RANBP10: variants seen among roughly 807,000 people sequenced by gnomAD.
The protein encoded by RANBP10 is ran-binding protein 10.
Under a neutral mutation model 72.8 loss-of-function variants are expected in RANBP10, and 24 were observed. The ratio of observed to expected loss-of-function variants is 0.33; its 90% CI spans 0.24 to 0.46. The LOEUF (loss-of-function observed/expected upper bound fraction) is 0.46. RANBP10 is among the 20% of genes least tolerant of loss of function. RANBP10 has a pLI of 1.00. For missense variants in RANBP10, 679 were observed against 817.5 expected (o/e 0.83, Z 2.07); for synonymous variants, 310 against 322.3 (o/e 0.96, Z 0.41).
chr16:67,786,308 G>A (rs1278903797), intron 2 of RANBP10, among the ~76,000 whole-genome samples: 1 of 151,808 alleles, frequency 6.6e-6, no homozygotes, highest in Non-Finnish European at 1.5e-5. Flanking sequence ...CAGCCTGTGC[G>A]ACAGAGCAAA....
In RANBP10 at chr16:67,727,456, C is replaced by T. The variant is rs752181994; in HGVS notation, c.1621-18G>A. ...AAGGCATCCTACAGGACAGGGCATT[C>T]TTGAGAGGACTGTGGCACACACCAT... On this transcript the variant is annotated intron_variant, in intron 12 of 13. Coordinates refer to ENST00000317506, the MANE Select transcript of RANBP10 (RefSeq NM_020850.3). 1 of 1,602,728 alleles carries T rather than the reference C, an allele frequency of 6.2e-7. No individual in the cohort carries two copies.
chr16:67,760,161 C>T (rs539846278), intron 3 of RANBP10, among the ~76,000 whole-genome samples: 2 of 152,122 alleles, frequency 1.3e-5, no homozygotes, highest in South Asian at 2.1e-4. Flanking sequence ...AGACAGCAAC[C>T]GCACAAAGCC....
At chr16:67,774,421 AC>A (rs1392259782) in intron 2 of RANBP10, among the ~76,000 whole-genome samples, 1 of 152,220 alleles carries the variant, frequency 6.6e-6, no homozygotes, top group Non-Finnish European at 1.5e-5. Flanking sequence ...TGCTCAAAAC[AC>A]AACTTGCTTA....
chr16:67,740,956 T>C (rs796344028), intron 4 of RANBP10, among the ~76,000 whole-genome samples: 38 of 152,238 alleles, frequency 2.5e-4, no homozygotes, highest in African/African-American at 7.7e-4. Flanking sequence ...GCTGCCCTCA[T>C]GGATCTCAGC....
chr16:67,760,856 C>G (rs754654405), intron 3 of RANBP10, among the ~76,000 whole-genome samples: 1 of 152,162 alleles, frequency 6.6e-6, no homozygotes, highest in Non-Finnish European at 1.5e-5. Flanking sequence ...CCTGAGTCTC[C>G]CTGGCTCTGG....
intron 4 of RANBP10, among the ~76,000 whole-genome samples, chr16:67,740,098 C>CTT (rs892700613): frequency 2.1e-3 from 278 of 131,268 alleles, no homozygotes; most frequent in African/African-American, 7.0e-3. Context: ...CAGGTTCACA[C>CTT]TTTTTTTTTT....
intron 2 of RANBP10, among the ~76,000 whole-genome samples, chr16:67,799,588 G>A (rs530578280): frequency 2.6e-5 from 4 of 152,030 alleles, no homozygotes; most frequent in East Asian, 1.9e-4. Flanking sequence ...CGCCCGGCCA[G>A]CTCCATGTCT....
chr16:67,731,785 C>T (rs548949104), intron 6 of RANBP10, among the ~76,000 whole-genome samples: 2 of 152,302 alleles, frequency 1.3e-5, no homozygotes, highest in South Asian at 2.1e-4. Flanking sequence ...AGTCAGGCTT[C>T]GGAGGGGCTG....
In RANBP10 at chr16:67,729,692, T is replaced by G. The variant is rs1244393994; in HGVS notation, c.1135A>C (p.Met379Leu). The G allele has an allele frequency of 6.2e-7, 1 of 1,612,372 alleles. No individual in the cohort carries two copies. The highest frequency in any genetic ancestry group is 8.5e-7 in the Non-Finnish European group (1 of 1,179,134). The change falls in exon 9 of 14, where the codon ATG becomes CTG. Residue 379 changes from methionine (M) to leucine (L), a missense_variant. Physicochemically the swap from Met to Leu is conservative, Grantham distance 15. Transcript: ENST00000317506. This position sits in a 1 kb window ranked among gnomAD's most constrained non-coding sequence, Gnocchi z 7.1. ...GAGAGTGGCTGACCTGTGTTGTGCATGTGGGAACTACTGGGGCCATGTCGG... is the reference window on the plus strand; with the variant it reads ...GAGAGTGGCTGACCTGTGTTGTGCAGGTGGGAACTACTGGGGCCATGTCGG... ...SPRHGPSSSH[M>L]HNTGADSPSC...
chr16:67,766,173 A>G (rs1234858168), intron 3 of RANBP10, among the ~76,000 whole-genome samples: 3 of 152,212 alleles, frequency 2.0e-5, no homozygotes, highest in Non-Finnish European at 4.4e-5. Flanking sequence ...GAAAGGCTTT[A>G]GCTGCTGTCG....
At chr16:67,755,982 C>T (rs994668153) in intron 3 of RANBP10, among the ~76,000 whole-genome samples, 3 of 152,230 alleles carry the variant, frequency 2.0e-5, no homozygotes, top group Non-Finnish European at 4.4e-5. Context: ...AACCAAGCCA[C>T]ATTTGAACCA....
chr16:67,793,350 TTGAC>T (rs1216477824), intron 2 of RANBP10, among the ~76,000 whole-genome samples: 12 of 151,268 alleles, frequency 7.9e-5, no homozygotes, highest in Admixed American at 2.0e-4. Context: ...TTTCACTTGT[TTGAC>T]TGGCTGGAGC....
At chr16:67,742,322 A>C (rs2053985159) in intron 4 of RANBP10, among the ~76,000 whole-genome samples, 1 of 152,206 alleles carries the variant, frequency 6.6e-6, no homozygotes, top group Non-Finnish European at 1.5e-5. Flanking sequence ...TAACTTCATG[A>C]AAACATAAAC....
At chr16:67,756,297 T>C (rs2054284247) in intron 3 of RANBP10, among the ~76,000 whole-genome samples, 1 of 152,204 alleles carries the variant, frequency 6.6e-6, no homozygotes, top group Non-Finnish European at 1.5e-5. Flanking sequence ...TACTGCTGAA[T>C]GGAAAGATTT....
chr16:67,776,821 C>T (rs557577976), intron 2 of RANBP10, among the ~76,000 whole-genome samples: 1 of 151,148 alleles, frequency 6.6e-6, no homozygotes, highest in Non-Finnish European at 1.5e-5. Context: ...TAATAAGTTA[C>T]TCTATTTCTC....
Position 67,768,875 on chromosome 16 carries a change from C to T in RANBP10, c.400+3159G>A, listed in dbSNP as rs114979816. ...TTTAATTACATTTATATTTTTAAAA[C>T]AGATAACATATTCACAAGAAAGAAA... On this transcript the variant is annotated intron_variant, in intron 3 of 13. Transcript: ENST00000317506. Among the ~76,000 whole-genome samples the T allele has an allele frequency of 6.2e-3, 949 of 152,284 alleles. 13 individuals are homozygous for T. Among genetic ancestry groups the T allele is most frequent in the African/African-American group, 0.022 (897 of 41,562 alleles).
At chr16:67,804,719 G>A (rs2055306401) in intron 2 of RANBP10, among the ~76,000 whole-genome samples, 1 of 152,040 alleles carries the variant, frequency 6.6e-6, no homozygotes, top group African/African-American at 2.4e-5. Context: ...AGTAGAGACA[G>A]GGTTTCAGCA....
chr16:67,750,761 CTTTTTTTTTTTTTTTT>C (rs914921755), intron 3 of RANBP10, among the ~76,000 whole-genome samples: 1 of 110,254 alleles, frequency 9.1e-6, no homozygotes, highest in Non-Finnish European at 1.8e-5. Context: ...TTTTCACTTT[CTTTTTTTTTTTTTTTT>C]TTTTTTTGAG....
rs530518434 is a variant in RANBP10, at chr16:67,800,569, G to A, written c.347+4859C>T. ...GACCCTCAGCTTCAGGCCCTCCTTC[G>A]CTTCCTAGAAAGACAGACCTGGATG... On this transcript the variant is annotated intron_variant, in intron 2 of 13. Transcript: ENST00000317506. Among the ~76,000 whole-genome samples the A allele has an allele frequency of 7.9e-5, 12 of 152,166 alleles. No individual in the cohort carries two copies. The South Asian group carries it at 1.9e-3, about 24-fold the overall frequency.
Sources: gnomAD v4.1 joint callset for allele counts (sites outside exome capture counted in the v4.1 genomes callset) on GRCh38, gnomAD v4.1.1 for gene constraint, Gnocchi (gnomAD v3.1) non-coding constraint, MANE v1.5 for transcripts, NCBI Gene and HGNC (gene_info 2026-07-23, HGNC 2026-07-21) for gene names.